TRAF4: variants seen among roughly 807,000 people sequenced by gnomAD.
The protein encoded by TRAF4 is TNF receptor associated factor 4.
Under a neutral mutation model 47.3 loss-of-function variants are expected in TRAF4, and 9 were observed. That is an observed-to-expected ratio of 0.19 (90% CI 0.11 to 0.33). TRAF4 has a LOEUF of 0.33. Among genes scored for constraint, TRAF4 ranks in the 10% least tolerant of loss-of-function variants. TRAF4 has a pLI of 1.00. For synonymous variants in TRAF4, 236 were observed against 236.9 expected, an observed-to-expected ratio of 1.00 and a Z score of 0.04; for missense variants, 448 against 620.3, an observed-to-expected ratio of 0.72 and a Z score of 2.95.
In TRAF4 at chr17:28,750,863, A is replaced by C. The variant is rs985731916; in HGVS notation, c.*1286A>C. 1.3e-5 allele frequency: 2 copies of C among 152,168 alleles called. No individual in the cohort carries two copies. The highest frequency in any genetic ancestry group is 3.2e-3 in the Middle Eastern group (1 of 316). The allele number at this position is 152,168 out of a possible 1,614,324, so 9.4% of individuals were successfully genotyped here. A position where few individuals can be genotyped will look rare whatever the true frequency, so the allele number is the denominator to read the frequency against. On this transcript the variant is annotated 3_prime_UTR_variant, in exon 7 of 7. Transcript: ENST00000262395. Reference sequence around the variant, plus strand: ...TGGGTCCTTGTGCTTGCTTTTGGCAAGTTTCTGAGCTACACAGGGCCTCCA... The same window carrying C: ...TGGGTCCTTGTGCTTGCTTTTGGCACGTTTCTGAGCTACACAGGGCCTCCA...
intron 6 of TRAF4, 97 bp from the exon 7 acceptor site, chr17:28,748,848 G>A: frequency 6.7e-7 from 1 of 1,489,110 alleles, no homozygotes; most frequent in Non-Finnish European, 8.9e-7. Flanking sequence ...GTAGAGCTGG[G>A]TGCCTGCTAC....
rs779582991 is a variant in TRAF4, at chr17:28,744,241, G to A, written c.129G>A (p.Leu43=). ...TCGHRFCDTC[L]QEFLSEGVFK... ...GCCACCGTTTCTGCGATACCTGCCTGCAGGAGTTCCTCAGGTGCTGGCCGG... is the reference window on the plus strand; with the variant it reads ...GCCACCGTTTCTGCGATACCTGCCTACAGGAGTTCCTCAGGTGCTGGCCGG... The change falls in exon 1 of 7, where the codon CTG becomes CTA. Residue 43 remains leucine (L), a synonymous_variant. Transcript: ENST00000262395. The A allele has an allele frequency of 1.3e-6, 2 of 1,581,834 alleles. No homozygotes were observed. Among genetic ancestry groups the A allele is most frequent in the African/African-American group, 2.7e-5 (2 of 73,758 alleles).
chr17:28,748,460 T>C (rs1395083960), intron 5 of TRAF4, 37 bp downstream of exon 5: 2 of 1,606,844 alleles, frequency 1.2e-6, no homozygotes, highest in Non-Finnish European at 1.7e-6. Context: ...GCAGGGTAGG[T>C]GACAGGTAGT....
Position 28,749,652 on chromosome 17 carries a change from GC to G in TRAF4, c.*77del. The G allele has an allele frequency of 6.3e-7, 1 of 1,578,000 alleles. No individual in the cohort carries two copies. The highest frequency in any genetic ancestry group is 8.6e-7 in the Non-Finnish European group (1 of 1,161,552). ...GGCACTGGCTGAACTTGGAGAGGGGGCCGGACCCCCGTCAGCTGCTTCTGCT... is the reference window on the plus strand; with the variant it reads ...GGCACTGGCTGAACTTGGAGAGGGGGCGGACCCCCGTCAGCTGCTTCTGCT... On this transcript the variant is annotated 3_prime_UTR_variant, in exon 7 of 7. Transcript: ENST00000262395.
In TRAF4 at chr17:28,744,047, C is replaced by G. The variant is rs1192903643; in HGVS notation, c.-66C>G. ...CCCGGAGCCGGGAGCGCCGCTCCAG[C>G]GAGGCGCGGGCTGTGGGGCCGCCGC... On this transcript the variant is annotated 5_prime_UTR_variant, in exon 1 of 7. Transcript: ENST00000262395. 1 of 1,101,656 alleles carries G rather than the reference C, an allele frequency of 9.1e-7. No homozygotes were observed. Among genetic ancestry groups the G allele is most frequent in the Non-Finnish European group, 1.1e-6 (1 of 907,070 alleles). The allele number at this position is 1,101,656 out of a possible 1,614,324, so 68.2% of individuals were successfully genotyped here.
rs750723603 is a variant in TRAF4 at position 28,744,188 on chromosome 17, C to A, written c.76C>A (p.Arg26Ser). ...GTGCCCACTGTGCGGGAAGCCCATG[C>A]GCGAGCCTGTGCAGGTTTCCACCTG... Reference protein sequence around the residue: ...LLCPLCGKPMREPVQVSTCGH... With the variant: ...LLCPLCGKPMSEPVQVSTCGH... The change falls in exon 1 of 7, where the codon CGC (arginine) becomes AGC (serine). Residue 26 changes from arginine to serine, a missense_variant. Arg to Ser is a moderately radical substitution (Grantham distance 110). Transcript: ENST00000262395. The A allele has an allele frequency of 1.3e-6, 2 of 1,595,352 alleles. No homozygotes were observed. Among genetic ancestry groups the A allele is most frequent in the East Asian group, 2.2e-5 (1 of 44,550 alleles).
At position 28,750,117 on chromosome 17, in the gene TRAF4, C is replaced by A. The variant is rs2034580796; in HGVS notation, c.*540C>A. ...CCTGACTTACCTGGGTTGGTTAGGT[C>A]CCTGGGAGGCTCAACCAAACTGAAG... On this transcript the variant is annotated 3_prime_UTR_variant, in exon 7 of 7. Transcript: ENST00000262395. 1 of 527,912 alleles carries A rather than the reference C, an allele frequency of 1.9e-6. No homozygotes were observed. The highest frequency in any genetic ancestry group is 3.1e-5 in the East Asian group (1 of 31,962). The allele number at this position is 527,912 out of a possible 1,614,324, so 32.7% of individuals were successfully genotyped here.
rs1356594812 is a variant in TRAF4, at chr17:28,747,832, C to T, written c.196-11C>T. On this transcript the variant is annotated splice_polypyrimidine_tract_variant and intron_variant, in intron 2 of 6. Transcript: ENST00000262395. ...TCTGACCCTGGCCAGTTCCCCCATC[C>T]CTACCCCCAGATCTACCCAGACCCG... The T allele has an allele frequency of 5.0e-6, 8 of 1,611,520 alleles. No homozygotes were observed. The highest frequency in any genetic ancestry group is 5.9e-6 in the Non-Finnish European group (7 of 1,179,150).
Position 28,749,657 on chromosome 17 carries a change from AC to A in TRAF4, c.*85del. The A allele has an allele frequency of 1.9e-6, 3 of 1,574,830 alleles. No individual in the cohort carries two copies. In the South Asian group the frequency reaches 3.5e-5, roughly 18 times the overall value. ...TGGCTGAACTTGGAGAGGGGGCCGGACCCCCGTCAGCTGCTTCTGCTGCCTA... is the reference window on the plus strand; with the variant it reads ...TGGCTGAACTTGGAGAGGGGGCCGGACCCCGTCAGCTGCTTCTGCTGCCTA... On this transcript the variant is annotated 3_prime_UTR_variant, in exon 7 of 7. Coordinates refer to ENST00000262395, the MANE Select transcript of TRAF4 (RefSeq NM_004295.4).
In TRAF4 at chr17:28,749,893, A is replaced by T. The variant is rs1254452190; in HGVS notation, c.*316A>T. On this transcript the variant is annotated 3_prime_UTR_variant, in exon 7 of 7. Transcript: ENST00000262395. ...GGACTGAGGTGCCTGCTCAGGTGCT[A>T]TGTCCCAAGAGCCATAAGGGGGTGG... The T allele has an allele frequency of 1.4e-6, 1 of 701,488 alleles. No individual in the cohort carries two copies. Among genetic ancestry groups the T allele is most frequent in the East Asian group, 2.7e-5 (1 of 37,284 alleles). 43.5% of individuals were successfully genotyped at this position (701,488 alleles called of 1,614,324 possible).
At chr17:28,746,052 C>T (rs1223909856) in intron 1 of TRAF4, among the ~76,000 whole-genome samples, 3 of 152,254 alleles carry the variant, frequency 2.0e-5, no homozygotes, top group Non-Finnish European at 2.9e-5. Flanking sequence ...GGCATTGAAG[C>T]ATGGCCAGTG....
chr17:28,747,679 A>G, intron 2 of TRAF4, 164 bp from the exon 3 acceptor site: 1 of 658,224 alleles, frequency 1.5e-6, no homozygotes. Flanking sequence ...ATCAGAGCAG[A>G]TGCTGCCTGC....
intron 1 of TRAF4, among the ~76,000 whole-genome samples, chr17:28,746,217 G>C (rs566574455): frequency 2.0e-5 from 3 of 152,256 alleles, no homozygotes; most frequent in African/African-American, 7.2e-5. Flanking sequence ...ACCTGACTCA[G>C]ACCTGCCAGG....
intron 1 of TRAF4, chr17:28,746,985 T>G: frequency 2.4e-6 from 1 of 421,458 alleles, no homozygotes; most frequent in Non-Finnish European, 4.2e-6. Flanking sequence ...CTGAGGCAGC[T>G]GTCTGTGCCT....
At chr17:28,748,480 G>C (rs202144961) in intron 5 of TRAF4, 31 bp from the exon 6 acceptor site, 289 of 1,609,808 alleles carry the variant, frequency 1.8e-4, no homozygotes, top group Non-Finnish European at 2.4e-4. Context: ...TCAGGATATT[G>C]ACTCCTGCCT....
chr17:28,748,263 G>A lies in TRAF4; in HGVS notation c.464G>A (p.Ser155Asn), dbSNP rs1216208221. The A allele has an allele frequency of 2.5e-6, 4 of 1,612,754 alleles. No individual in the cohort carries two copies. The highest frequency in any genetic ancestry group is 4.5e-5 in the East Asian group (2 of 44,836). Residue 155 changes from serine (S) to asparagine (N), a missense_variant and splice_region_variant, in exon 5 of 7, where the codon AGC becomes AAC. Transcript: ENST00000262395. ...ACTCAGCACCTCTGACATTTCCAGA[G>A]CCATGAGGGTATGTGCCCCCAGGAG... ...GCDFSGEAYE[S>N]HEGMCPQESV...
Position 28,749,445 on chromosome 17 carries a change from G to A in TRAF4, c.1281G>A (p.Leu427=), listed in dbSNP as rs1447334945. 1 of 1,613,950 alleles carries A rather than the reference G, an allele frequency of 6.2e-7. No individual in the cohort carries two copies. Among genetic ancestry groups the A allele is most frequent in the East Asian group, 2.2e-5 (1 of 44,890 alleles). The stretch of plus-strand genomic sequence containing the variant: ...AGCCAGGCACGTGGCGGGGCTCCCT[G>A]GATGAGAGTTCTCTGGGCTTTGGTT... ...FQKPGTWRGS[L]DESSLGFGYP... Residue 427 remains leucine, a synonymous_variant, in exon 7 of 7, where the codon CTG becomes CTA. Coordinates refer to ENST00000262395, the MANE Select transcript of TRAF4 (RefSeq NM_004295.4).
chr17:28,749,324 CCTT>C lies in TRAF4; in HGVS notation c.1163_1165del (p.Phe388del). 1 of 1,614,112 alleles carries C rather than the reference CCTT, an allele frequency of 6.2e-7. No individual in the cohort carries two copies. The highest frequency in any genetic ancestry group is 8.5e-7 in the Non-Finnish European group (1 of 1,180,042). On this transcript the variant is annotated inframe_deletion, in exon 7 of 7. Coordinates refer to ENST00000262395, the MANE Select transcript of TRAF4 (RefSeq NM_004295.4). ...GAGTGGCCCTTTGCCCGCCGTGTCACCTTCTCCCTGCTGGATCAGAGCGACCCT... is the reference window on the plus strand; with the variant it reads ...GAGTGGCCCTTTGCCCGCCGTGTCACCTCCCTGCTGGATCAGAGCGACCCT...
chr17:28,749,155 G>C lies in TRAF4; in HGVS notation c.991G>C (p.Glu331Gln), dbSNP rs1342670279. The C allele has an allele frequency of 6.2e-7, 1 of 1,614,092 alleles. No homozygotes were observed. Among genetic ancestry groups the C allele is most frequent in the Non-Finnish European group, 8.5e-7 (1 of 1,180,052 alleles). Residue 331 changes from glutamate to glutamine, a missense_variant, in exon 7 of 7, where the codon GAG (glutamate) becomes CAG (glutamine). Coordinates refer to ENST00000262395, the MANE Select transcript of TRAF4 (RefSeq NM_004295.4). ...LQEAKAKPNL[E>Q]CFSPAFYTHK... ...GGAGGCCAAGGCCAAGCCCAACCTT[G>C]AGTGCTTCAGCCCAGCCTTCTACAC...
Sources: allele counts gnomAD v4.1 joint callset (sites outside exome capture counted in the v4.1 genomes callset), GRCh38; gene constraint gnomAD v4.1.1; transcripts MANE v1.5; gene names NCBI Gene and HGNC (gene_info 2026-07-23, HGNC 2026-07-21).